COL4A5: variants seen among roughly 807,000 people sequenced by gnomAD.
COL4A5 encodes collagen type IV alpha 5 chain.
A neutral mutation model predicts 130.2 loss-of-function variants in COL4A5; 26 were observed. The observed-to-expected ratio is 0.20, with a 90% CI of 0.15 to 0.28. The LOEUF is 0.28. Among genes scored for constraint, COL4A5 ranks in the 10% least tolerant of loss-of-function variants. COL4A5 has a pLI of 1.00. For synonymous variants in COL4A5, 496 were observed against 439.6 expected, an observed-to-expected ratio of 1.13 and a Z score of -1.60; for missense variants, 1,131 against 1,344.3, an observed-to-expected ratio of 0.84 and a Z score of 2.48.
intron 3 of COL4A5, 138 bp from the exon 4 acceptor site, chrX:108,563,744 T>C (rs2065930129): frequency 2.0e-6 from 1 of 492,966 alleles, no homozygotes; most frequent in Admixed American, 3.6e-5. Context: ...TAATAAATGC[T>C]TCTTCCTTGG....
intron 10 of COL4A5, among the ~76,000 whole-genome samples, chrX:108,577,659 T>C (rs2066175593): frequency 9.0e-6 from 1 of 111,191 alleles, no homozygotes; most frequent in Non-Finnish European, 1.9e-5. Flanking sequence ...AAAAATTTGA[T>C]GGGTCTGTTG....
chrX:108,653,884 G>A (rs1372534893), intron 36 of COL4A5, among the ~76,000 whole-genome samples: 2 of 111,892 alleles, frequency 1.8e-5, no homozygotes, highest in Admixed American at 1.9e-4. Context: ...AAATGAACTA[G>A]ATATTTGATT....
In COL4A5 at chrX:108,568,622, C is replaced by G. The variant is rs751723336; in HGVS notation, c.277-7C>G. On this transcript the variant is annotated splice_polypyrimidine_tract_variant and splice_region_variant and intron_variant, in intron 4 of 52. Coordinates refer to ENST00000328300, the MANE Select transcript of COL4A5 (RefSeq NM_033380.3). ...ATTTAGTTTAAGGATTTTATTTCTT[C>G]TTATAGGGTCCTCCTGGACTTCCTG... 3.4e-6 allele frequency: 4 copies of G among 1,166,113 alleles called. No homozygotes were observed. The highest frequency in any genetic ancestry group is 1.2e-6 in the Non-Finnish European group (1 of 855,253).
intron 44 of COL4A5, 48 bp downstream of exon 44, chrX:108,677,681 G>C (rs1429180031): frequency 8.5e-7 from 1 of 1,177,646 alleles, no homozygotes; most frequent in Non-Finnish European, 1.2e-6. Context: ...GTGGGTGTTT[G>C]TATTCAAAAT....
chrX:108,648,190 C>G (rs2067647857), intron 36 of COL4A5, among the ~76,000 whole-genome samples: 1 of 110,576 alleles, frequency 9.0e-6, no homozygotes, highest in African/African-American at 3.3e-5. Flanking sequence ...GAAAACCCTC[C>G]CATCTTAAAT....
At chrX:108,643,482 A>C (rs1256968073) in intron 36 of COL4A5, among the ~76,000 whole-genome samples, 1 of 111,675 alleles carries the variant, frequency 9.0e-6, no homozygotes, top group African/African-American at 3.3e-5. Context: ...CAGGTAACCT[A>C]TAAAGGAAAA....
At chrX:108,556,099 T>C (rs977742761) in intron 2 of COL4A5, among the ~76,000 whole-genome samples, 1 of 111,689 alleles carries the variant, frequency 9.0e-6, no homozygotes, top group African/African-American at 3.3e-5. Flanking sequence ...TTGTGCTATT[T>C]CCTGGAATGG....
intron 1 of COL4A5, among the ~76,000 whole-genome samples, chrX:108,527,350 T>C (rs903599256): frequency 8.9e-6 from 1 of 111,850 alleles, no homozygotes; most frequent in Non-Finnish European, 1.9e-5. Flanking sequence ...CTAGGTTGTA[T>C]ATGTATCAAA....
At chrX:108,623,882 G>A (rs1300948760) in intron 33 of COL4A5, among the ~76,000 whole-genome samples, 1 of 111,821 alleles carries the variant, frequency 8.9e-6, no homozygotes, top group Non-Finnish European at 1.9e-5. Context: ...TATAATAGGG[G>A]CAGTAAACTA....
intron 1 of COL4A5, among the ~76,000 whole-genome samples, chrX:108,502,293 TG>T (rs202126418): frequency 0.014 from 1,502 of 111,089 alleles, 15 homozygotes; most frequent in Non-Finnish European, 0.022. Flanking sequence ...TGTTTTGTTT[TG>T]TTTTTTTGGA....
intron 1 of COL4A5, among the ~76,000 whole-genome samples, chrX:108,497,786 A>G (rs1336242482): frequency 9.0e-6 from 1 of 111,678 alleles, no homozygotes. Context: ...TGTTACTCTG[A>G]AACCTGCTTG....
At chrX:108,532,965 A>G (rs967008081) in intron 1 of COL4A5, among the ~76,000 whole-genome samples, 11 of 111,863 alleles carry the variant, frequency 9.8e-5, no homozygotes, top group Non-Finnish European at 2.1e-4. Flanking sequence ...GTATTGCCCA[A>G]AGGAATCTAT....
At chrX:108,649,376 C>T (rs1226114386) in intron 36 of COL4A5, among the ~76,000 whole-genome samples, 1 of 111,292 alleles carries the variant, frequency 9.0e-6, no homozygotes, top group Non-Finnish European at 1.9e-5. Context: ...AACATACCAC[C>T]GTCATTCTTC....
intron 6 of COL4A5, among the ~76,000 whole-genome samples, chrX:108,570,044 C>G (rs2066038589): frequency 9.0e-6 from 1 of 111,567 alleles, no homozygotes; most frequent in Non-Finnish European, 1.9e-5. Context: ...ATAACTTGAA[C>G]AACTATTTTG....
At chrX:108,689,990 C>G (rs17280266) in intron 49 of COL4A5, 171,036 of 750,428 alleles carry the variant, frequency 0.23, 14,600 homozygotes, top group East Asian at 0.57. Flanking sequence ...CATTATGGGC[C>G]TTCCTTTTAT....
At chrX:108,495,053 A>G (rs969864898) in intron 1 of COL4A5, among the ~76,000 whole-genome samples, 4 of 112,021 alleles carry the variant, frequency 3.6e-5, no homozygotes, top group Non-Finnish European at 7.5e-5. Context: ...GAATTAAGAA[A>G]TAGACCTTTA....
At chrX:108,615,973 T>G (rs781309146) in intron 30 of COL4A5, among the ~76,000 whole-genome samples, 2 of 111,961 alleles carry the variant, frequency 1.8e-5, no homozygotes, top group Non-Finnish European at 3.8e-5. Context: ...GTTAACAATA[T>G]AAAAAGCTTG....
chrX:108,508,680 G>T (rs1404989260), intron 1 of COL4A5, among the ~76,000 whole-genome samples: 1 of 109,936 alleles, frequency 9.1e-6, no homozygotes, highest in Non-Finnish European at 1.9e-5. Context: ...CAGGGCTACA[G>T]TAACCAAAAC....
At chrX:108,656,670 G>A (rs1424941731) in intron 37 of COL4A5, among the ~76,000 whole-genome samples, 1 of 111,428 alleles carries the variant, frequency 9.0e-6, no homozygotes, top group Admixed American at 9.6e-5. Context: ...CACCATCACT[G>A]GGCAGTGTCG....
Sources: gnomAD v4.1 joint callset for allele counts (sites outside exome capture counted in the v4.1 genomes callset) on GRCh38, gnomAD v4.1.1 for gene constraint, MANE v1.5 for transcripts, NCBI Gene and HGNC (gene_info 2026-07-23, HGNC 2026-07-21) for gene names.